The following SMG6 variants were observed in gnomAD, a reference collection of about 807,000 sequenced individuals.
The protein encoded by SMG6 is SMG6 nonsense mediated mRNA decay factor, also known as telomerase-binding protein EST1A.
A neutral mutation model predicts 142.2 loss-of-function variants in SMG6; 66 were observed. That is an observed-to-expected ratio of 0.46 (90% confidence interval 0.38 to 0.57). The LOEUF (loss-of-function observed/expected upper bound fraction) is 0.57, where lower values mean the gene tolerates loss of function less well. Among genes scored for constraint, SMG6 ranks in the 20% least tolerant of loss-of-function variants. The pLI is 0.00. For synonymous variants in SMG6, 779 were observed against 702.4 expected, an observed-to-expected ratio of 1.11 and a Z score of -1.72; for missense variants, 1,793 against 1,832.0, an observed-to-expected ratio of 0.98 and a Z score of 0.39.
chr17:2,296,552 C>T (rs216200), intron 4 of SMG6, among the ~76,000 whole-genome samples: 86,315 of 152,002 alleles, frequency 0.57, 25,731 homozygotes, highest in East Asian at 0.75. Context: ...AGATCAGCAG[C>T]GGTATTAGTT....
In SMG6 at chr17:2,092,993, G is replaced by A. The variant is rs117487812; in HGVS notation, c.3358-7092C>T. The stretch of plus-strand genomic sequence containing the variant: ...GTGGATCACCTGCGGTCAGGAGTCC[G>A]AGATCAGCCCGGCCAACATGGTGAA... On this transcript the variant is annotated intron_variant, in intron 13 of 18. Transcript: ENST00000263073. Among the ~76,000 whole-genome samples, 116 of 152,258 alleles carry A rather than the reference G, an allele frequency of 7.6e-4. 1 individual carries two copies. In the East Asian group the frequency reaches 0.02, roughly 27 times the overall value.
At chr17:2,244,952 G>A (rs926936452) in intron 8 of SMG6, 4 of 546,450 alleles carry the variant, frequency 7.3e-6, no homozygotes, top group African/African-American at 3.8e-5. Context: ...ACCCTCTGCC[G>A]GCAGTGGCAC....
At chr17:2,108,594 G>A (rs2069219478) in intron 13 of SMG6, among the ~76,000 whole-genome samples, 1 of 152,112 alleles carries the variant, frequency 6.6e-6, no homozygotes, top group African/African-American at 2.4e-5. Context: ...TTGTGTCACT[G>A]CACTCCAGCC....
chr17:2,251,723 C>A (rs760459932), intron 8 of SMG6, among the ~76,000 whole-genome samples: 9 of 152,120 alleles, frequency 5.9e-5, no homozygotes, highest in Non-Finnish European at 1.2e-4. Context: ...GTAGGCAGCT[C>A]CAGAAAACAC....
chr17:2,127,404 CCT>C (rs1345759415), intron 13 of SMG6: 3 of 711,846 alleles, frequency 4.2e-6, no homozygotes, highest in East Asian at 6.7e-5. Flanking sequence ...CTTTTCCCCC[CCT>C]CTTTAAATAG....
intron 1 of SMG6, 28 bp from the exon 2 acceptor site, chr17:2,300,692 G>A: frequency 6.5e-7 from 1 of 1,529,690 alleles, no homozygotes; most frequent in African/African-American, 1.4e-5. Flanking sequence ...GAGTTTGGGA[G>A]GGAAAGGTAG....
intron 10 of SMG6, among the ~76,000 whole-genome samples, chr17:2,229,022 G>T (rs868162530): frequency 6.6e-6 from 1 of 152,082 alleles, no homozygotes; most frequent in African/African-American, 2.4e-5. Context: ...TCTAAAAGAA[G>T]AGGGATATTA....
At chr17:2,192,763 G>A (rs2072204993) in intron 10 of SMG6, among the ~76,000 whole-genome samples, 1 of 152,214 alleles carries the variant, frequency 6.6e-6, no homozygotes, top group African/African-American at 2.4e-5. Flanking sequence ...GAAGTGGGCA[G>A]TGAGAGTATC....
At chr17:2,097,346 G>C (rs2151464676) in intron 13 of SMG6, among the ~76,000 whole-genome samples, 1 of 152,094 alleles carries the variant, frequency 6.6e-6, no homozygotes, top group African/African-American at 2.4e-5. Flanking sequence ...ATGTTGGCAT[G>C]GCTGGTCTTG....
At chr17:2,175,596 G>A (rs72817574) in intron 12 of SMG6, among the ~76,000 whole-genome samples, 48,472 of 150,302 alleles carry the variant, frequency 0.32, 8,562 homozygotes, top group Admixed American at 0.41. Flanking sequence ...ACGCCTTTTT[G>A]CCCATTACCA....
intron 10 of SMG6, chr17:2,233,454 G>A (rs1469076111): frequency 6.6e-6 from 1 of 152,412 alleles, no homozygotes; most frequent in Non-Finnish European, 1.5e-5. Context: ...CCTGGTTTCA[G>A]GCAGCCAGGG....
At chr17:2,132,053 A>T (rs2070138935) in intron 13 of SMG6, among the ~76,000 whole-genome samples, 1 of 152,038 alleles carries the variant, frequency 6.6e-6, no homozygotes, top group Non-Finnish European at 1.5e-5. Flanking sequence ...GCATTGGGTG[A>T]CAGAGCAAGA....
chr17:2,098,866 G>C (rs1189064786), intron 13 of SMG6, among the ~76,000 whole-genome samples: 2 of 151,860 alleles, frequency 1.3e-5, no homozygotes, highest in African/African-American at 4.8e-5. Flanking sequence ...CCTGACCTCA[G>C]GTGATCCACC....
intron 10 of SMG6, among the ~76,000 whole-genome samples, chr17:2,208,240 C>T (rs1193668370): frequency 2.0e-5 from 3 of 152,158 alleles, no homozygotes; most frequent in Non-Finnish European, 4.4e-5. Context: ...CATTCTCCTA[C>T]CCCCACTCTC....
chr17:2,275,307 A>G (rs1053030356), intron 8 of SMG6, among the ~76,000 whole-genome samples: 5 of 152,206 alleles, frequency 3.3e-5, no homozygotes, highest in Admixed American at 6.5e-5. Flanking sequence ...CTGTAATCCC[A>G]GTCACTCAGG....
At chr17:2,136,403 C>CT (rs2070305067) in intron 13 of SMG6, among the ~76,000 whole-genome samples, 2 of 152,168 alleles carry the variant, frequency 1.3e-5, no homozygotes, top group African/African-American at 4.8e-5. Flanking sequence ...ACAGTGAGCT[C>CT]TAAGAAATAG....
rs1247419805 is a variant in SMG6 at position 2,145,781 on chromosome 17, C to G, written c.3357+26877G>C. 2.0e-5 allele frequency among the ~76,000 whole-genome samples: 3 copies of G among 151,770 alleles called. No homozygotes were observed. In the East Asian group the frequency reaches 5.8e-4, roughly 29 times the overall value. On this transcript the variant is annotated intron_variant, in intron 13 of 18. Coordinates refer to ENST00000263073, the MANE Select transcript of SMG6 (RefSeq NM_017575.5). ...GAAGCCACAGAGAGGAAAATCCATT[C>G]TTATTCATCCATTCTGAACTCAATT... is the stretch of plus-strand genomic sequence containing the variant.
intron 13 of SMG6, among the ~76,000 whole-genome samples, chr17:2,117,258 G>T (rs1016194161): frequency 4.6e-5 from 7 of 151,834 alleles, no homozygotes; most frequent in African/African-American, 1.7e-4. Context: ...TCCTAGCAAG[G>T]ATGCCTGCTC....
At chr17:2,293,007 A>C (rs2075072920) in intron 4 of SMG6, 30 bp from the exon 5 acceptor site, 7 of 1,527,852 alleles carry the variant, frequency 4.6e-6, no homozygotes, top group African/African-American at 1.4e-5. Context: ...TTAGTAGAAA[A>C]GCCAAGAAAC....
Sources: gnomAD v4.1 joint callset for allele counts (sites outside exome capture counted in the v4.1 genomes callset) on GRCh38, gnomAD v4.1.1 for gene constraint, MANE v1.5 for transcripts, NCBI Gene and HGNC (gene_info 2026-07-23, HGNC 2026-07-21) for gene names.